Variants in ZFYVE9 observed in about 807,000 individuals in gnomAD.
ZFYVE9 encodes the protein zinc finger FYVE domain-containing protein 9.
ZFYVE9 carries 43 observed loss-of-function variants against 126.7 expected under a neutral mutation model. The ratio of observed to expected loss-of-function variants is 0.34; its 90% CI spans 0.27 to 0.44. The LOEUF (loss-of-function observed/expected upper bound fraction) is 0.44. Among genes scored for constraint, ZFYVE9 ranks in the 20% least tolerant of loss-of-function variants. The pLI is 1.00. For synonymous variants in ZFYVE9, 521 were observed against 597.4 expected, an observed-to-expected ratio of 0.87 and a Z score of 1.87; for missense variants, 1,476 against 1,697.0, an observed-to-expected ratio of 0.87 and a Z score of 2.29.
intron 10 of ZFYVE9, among the ~76,000 whole-genome samples, chr1:52,284,335 G>A (rs1038667532): frequency 1.3e-5 from 2 of 152,106 alleles, no homozygotes; most frequent in South Asian, 2.1e-4. Flanking sequence ...AAGAGACTAC[G>A]GCTGTAGATG....
At chr1:52,197,993 A>G (rs1644877230) in intron 1 of ZFYVE9, among the ~76,000 whole-genome samples, 2 of 152,166 alleles carry the variant, frequency 1.3e-5, no homozygotes, top group Non-Finnish European at 2.9e-5. Context: ...TGATGTTTAT[A>G]GAAATCTGAG....
At chr1:52,153,106 C>T (rs774155248) in intron 1 of ZFYVE9, among the ~76,000 whole-genome samples, 1 of 152,226 alleles carries the variant, frequency 6.6e-6, no homozygotes, top group Non-Finnish European at 1.5e-5. Flanking sequence ...AGAGCATGGT[C>T]ATGACTGGGA....
chr1:52,228,418 C>CAGCT (rs1645189017), intron 2 of ZFYVE9, among the ~76,000 whole-genome samples: 1 of 152,188 alleles, frequency 6.6e-6, no homozygotes, highest in Non-Finnish European at 1.5e-5. Context: ...TACCACCCAT[C>CAGCT]AGCTCAGTGT....
At chr1:52,316,024 G>T (rs1646180005) in intron 13 of ZFYVE9, among the ~76,000 whole-genome samples, 1 of 151,414 alleles carries the variant, frequency 6.6e-6, no homozygotes, top group Non-Finnish European at 1.5e-5. Context: ...AATTAGCCAG[G>T]CATGGTGGTG....
chr1:52,341,420 C>CT (rs1259349692), intron 17 of ZFYVE9, among the ~76,000 whole-genome samples: 2 of 152,154 alleles, frequency 1.3e-5, no homozygotes, highest in Non-Finnish European at 2.9e-5. Context: ...GGCAGTGACC[C>CT]TTTTTTGTAT....
At chr1:52,193,151 C>T (rs1644830617) in intron 1 of ZFYVE9, among the ~76,000 whole-genome samples, 1 of 152,062 alleles carries the variant, frequency 6.6e-6, no homozygotes, top group African/African-American at 2.4e-5. Flanking sequence ...TGGGCTCAAA[C>T]AGTCCTCCTG....
At chr1:52,330,093 G>A (rs1189626670) in intron 13 of ZFYVE9, among the ~76,000 whole-genome samples, 1 of 151,666 alleles carries the variant, frequency 6.6e-6, no homozygotes, top group Admixed American at 6.6e-5. Context: ...TTAAAAAATG[G>A]GCAGGCCAGG....
intron 2 of ZFYVE9, among the ~76,000 whole-genome samples, chr1:52,222,227 A>G (rs1645130015): frequency 6.6e-6 from 1 of 152,228 alleles, no homozygotes; most frequent in African/African-American, 2.4e-5. Context: ...GGATGAAGGC[A>G]GGGAGAAATT....
chr1:52,154,584 A>G (rs1644384726), intron 1 of ZFYVE9, among the ~76,000 whole-genome samples: 2 of 152,130 alleles, frequency 1.3e-5, no homozygotes, highest in African/African-American at 2.4e-5. Context: ...AGATTTTCAT[A>G]CTTTCCACCC....
chr1:52,324,819 T>C (rs879838774), intron 13 of ZFYVE9, among the ~76,000 whole-genome samples: 62 of 152,324 alleles, frequency 4.1e-4, no homozygotes, highest in African/African-American at 1.4e-3. Context: ...TTGATAATGT[T>C]TGTAGAACTG....
chr1:52,195,472 G>A (rs577478192), intron 1 of ZFYVE9, among the ~76,000 whole-genome samples: 21 of 152,226 alleles, frequency 1.4e-4, no homozygotes, highest in Admixed American at 4.6e-4. Context: ...TGTTCTGGGT[G>A]CCAGCAATGC....
chr1:52,146,180 A>G (rs1301183541), intron 1 of ZFYVE9, among the ~76,000 whole-genome samples: 1 of 152,164 alleles, frequency 6.6e-6, no homozygotes, highest in East Asian at 1.9e-4. Context: ...TTTAAAGTAT[A>G]CAGGAGGATG....
At chr1:52,177,671 T>A (rs1644648669) in intron 1 of ZFYVE9, among the ~76,000 whole-genome samples, 1 of 152,220 alleles carries the variant, frequency 6.6e-6, no homozygotes. Context: ...GAGGAAAGCT[T>A]GACTGAAATG....
chr1:52,188,742 C>A (rs780924862), intron 1 of ZFYVE9, among the ~76,000 whole-genome samples: 83 of 151,888 alleles, frequency 5.5e-4, no homozygotes, highest in Middle Eastern at 3.4e-3. Context: ...TAAGGTCAGG[C>A]GGATCAGAAT....
intron 10 of ZFYVE9, among the ~76,000 whole-genome samples, chr1:52,291,463 C>T (rs1645919824): frequency 6.6e-6 from 1 of 152,188 alleles, no homozygotes; most frequent in South Asian, 2.1e-4. Context: ...CATCATTGAG[C>T]AGCTCTTGTC....
chr1:52,229,804 G>T (rs1645200843), intron 2 of ZFYVE9, among the ~76,000 whole-genome samples: 2 of 151,988 alleles, frequency 1.3e-5, no homozygotes, highest in Admixed American at 1.3e-4. Flanking sequence ...GTGCCATGAG[G>T]GATTGTTGTT....
intron 13 of ZFYVE9, among the ~76,000 whole-genome samples, chr1:52,308,725 C>T (rs558405099): frequency 1.3e-5 from 2 of 152,228 alleles, no homozygotes; most frequent in South Asian, 4.1e-4. Context: ...GATTTAACTC[C>T]CAACTGGGGT....
In ZFYVE9 at chr1:52,238,315, C is replaced by T. The variant is rs567617178; in HGVS notation, c.898C>T (p.Pro300Ser). The change falls in exon 4 of 19, where the codon CCT (proline) becomes TCT (serine). Residue 300 changes from proline (P) to serine (S), a missense_variant. Coordinates refer to ENST00000287727, the MANE Select transcript of ZFYVE9 (RefSeq NM_004799.4). ...GGACCTCACTGGCAAAATCAGCTCT[C>T]CTAGGACAGATCTAGGGAGTCCAAA... Reference protein sequence around the residue: ...DEDLTGKISSPRTDLGSPNSF... With the variant: ...DEDLTGKISSSRTDLGSPNSF... 2 of 1,613,804 alleles carry T rather than the reference C, an allele frequency of 1.2e-6. No individual in the cohort carries two copies. Among genetic ancestry groups the T allele is most frequent in the African/African-American group, 1.3e-5 (1 of 75,046 alleles).
chr1:52,187,529 A>C (rs1379867375), intron 1 of ZFYVE9, among the ~76,000 whole-genome samples: 4 of 152,230 alleles, frequency 2.6e-5, no homozygotes, highest in African/African-American at 9.6e-5. Flanking sequence ...CAGACTACAG[A>C]ATGGGAGAAA....
Sources: allele counts gnomAD v4.1 joint callset (sites outside exome capture counted in the v4.1 genomes callset), GRCh38; gene constraint gnomAD v4.1.1; transcripts MANE v1.5; gene names NCBI Gene and HGNC (gene_info 2026-07-23, HGNC 2026-07-21).